CDH10: variants seen among roughly 807,000 people sequenced by gnomAD.
CDH10 encodes cadherin 10, also known as cadherin-10.
A neutral mutation model predicts 73.1 loss-of-function variants in CDH10; 30 were observed. That is an observed-to-expected ratio of 0.41 (90% CI 0.31 to 0.56). The LOEUF is 0.56. CDH10 is among the 20% of genes least tolerant of loss of function. The pLI is 0.27. For synonymous variants in CDH10, 345 were observed against 348.2 expected (o/e 0.99, Z 0.10); for missense variants, 815 against 973.7 (o/e 0.84, Z 2.17).
intron 2 of CDH10, among the ~76,000 whole-genome samples, chr5:24,578,074 A>T (rs377308312): frequency 6.6e-6 from 1 of 152,162 alleles, no homozygotes; most frequent in African/African-American, 2.4e-5. Context: ...TGAGGAGAGG[A>T]CACTTTCCAT....
At chr5:24,559,880 T>G (rs1744894671) in intron 2 of CDH10, among the ~76,000 whole-genome samples, 1 of 152,240 alleles carries the variant, frequency 6.6e-6, no homozygotes, top group Non-Finnish European at 1.5e-5. Context: ...ATGAGCCAGA[T>G]TTGGGTTGCT....
intron 2 of CDH10, among the ~76,000 whole-genome samples, chr5:24,544,568 T>C (rs1334268035): frequency 1.3e-5 from 2 of 152,180 alleles, no homozygotes; most frequent in Non-Finnish European, 2.9e-5. Flanking sequence ...AGGGAAAACG[T>C]CAATAGGATC....
intron 5 of CDH10, among the ~76,000 whole-genome samples, chr5:24,530,861 CA>C (rs1171223837): frequency 6.6e-6 from 1 of 152,170 alleles, no homozygotes; most frequent in African/African-American, 2.4e-5. Flanking sequence ...TTAATGTTCA[CA>C]TATTTATATA....
chr5:24,542,627 T>C (rs1251516633), intron 2 of CDH10, among the ~76,000 whole-genome samples: 4 of 152,172 alleles, frequency 2.6e-5, no homozygotes, highest in Non-Finnish European at 5.9e-5. Flanking sequence ...TTCTCAGAAG[T>C]TGAAGCTATG....
chr5:24,496,254 T>C (rs1661740477), intron 9 of CDH10, among the ~76,000 whole-genome samples: 1 of 152,164 alleles, frequency 6.6e-6, no homozygotes, highest in African/African-American at 2.4e-5. Flanking sequence ...TGGTATTAAA[T>C]TCTTTCCATG....
At chr5:24,628,478 C>T (rs1747584158) in intron 1 of CDH10, among the ~76,000 whole-genome samples, 1 of 152,016 alleles carries the variant, frequency 6.6e-6, no homozygotes, top group Non-Finnish European at 1.5e-5. Flanking sequence ...AATTCCATTG[C>T]CACCCCTCAG....
At chr5:24,542,633 C>T (rs368304088) in intron 2 of CDH10, among the ~76,000 whole-genome samples, 2 of 152,104 alleles carry the variant, frequency 1.3e-5, no homozygotes, top group African/African-American at 4.8e-5. Flanking sequence ...GAAGTTGAAG[C>T]TATGCATGAT....
In CDH10 at chr5:24,565,550, T is replaced by A. The variant is rs1327738742; in HGVS notation, c.231+27710A>T. 2.6e-5 allele frequency among the ~76,000 whole-genome samples: 4 copies of A among 152,138 alleles called. No homozygotes were observed. The East Asian group carries it at 7.7e-4, about 29-fold the overall frequency. ...TCTTCATAGATAAGAAGACTCAATG[T>A]TAAAATTTATTATGGACTAGATGTT... On this transcript the variant is annotated intron_variant, in intron 2 of 11. Coordinates refer to ENST00000264463, the MANE Select transcript of CDH10 (RefSeq NM_006727.5).
intron 2 of CDH10, among the ~76,000 whole-genome samples, chr5:24,561,646 A>C (rs1464591320): frequency 1.3e-5 from 2 of 152,154 alleles, no homozygotes; most frequent in Non-Finnish European, 2.9e-5. Flanking sequence ...AAAGCTATAA[A>C]GTGTCTCAAA....
In CDH10 at chr5:24,487,770, C is replaced by T. The variant is rs2111600924; in HGVS notation, c.2260G>A (p.Gly754Ser). 1 of 1,613,888 alleles carries T rather than the reference C, an allele frequency of 6.2e-7. No individual in the cohort carries two copies. The highest frequency in any genetic ancestry group is 8.5e-7 in the Non-Finnish European group (1 of 1,179,932). ...TAGTTTTGGTCTCCTTCAGTAGTAC[C>T]TGATTCTAATGAACTCAGAGATTCA... ...IAESLSSLES[G>S]TTEGDQNYDY... Residue 754 changes from glycine (G) to serine (S), a missense_variant, in exon 12 of 12, where the codon GGT becomes AGT. Transcript: ENST00000264463.
intron 1 of CDH10, among the ~76,000 whole-genome samples, chr5:24,616,149 G>A (rs1277445170): frequency 1.3e-5 from 2 of 151,818 alleles, no homozygotes; most frequent in Non-Finnish European, 2.9e-5. Flanking sequence ...AGAGGAAGGT[G>A]TATGCAAAAT....
intron 2 of CDH10, among the ~76,000 whole-genome samples, chr5:24,581,056 T>G (rs1745779798): frequency 6.6e-6 from 1 of 152,156 alleles, no homozygotes; most frequent in Non-Finnish European, 1.5e-5. Flanking sequence ...CTTCAGACAT[T>G]TGAAGTGACA....
intron 1 of CDH10, among the ~76,000 whole-genome samples, chr5:24,608,836 C>T (rs959643839): frequency 3.9e-5 from 6 of 152,140 alleles, no homozygotes; most frequent in African/African-American, 1.2e-4. Context: ...AAATAGATAT[C>T]TTAGCAATAT....
rs534151276 is a variant in CDH10 at position 24,616,198 on chromosome 5, T to A, written c.-123-22585A>T. Among the ~76,000 whole-genome samples the A allele has an allele frequency of 1.3e-4, 20 of 152,166 alleles. 1 individual carries two copies. The South Asian group carries it at 3.7e-3, about 28-fold the overall frequency. On this transcript the variant is annotated intron_variant, in intron 1 of 11. Transcript: ENST00000264463. ...AGGTATCTAGCCTTGGCAAACAAAG[T>A]AAACTTCCATTTTCTCATTTTTCTG...
chr5:24,490,037 T>G (rs574968914), intron 11 of CDH10, among the ~76,000 whole-genome samples: 2 of 152,214 alleles, frequency 1.3e-5, no homozygotes, highest in East Asian at 3.9e-4. Flanking sequence ...ATGCCAGACA[T>G]TTTTTTGTCA....
intron 2 of CDH10, among the ~76,000 whole-genome samples, chr5:24,584,259 C>T (rs1745904411): frequency 6.6e-6 from 1 of 151,956 alleles, no homozygotes. Flanking sequence ...CCAATATTTT[C>T]TTCCAGAAGA....
At chr5:24,589,934 A>T (rs1746143695) in intron 2 of CDH10, among the ~76,000 whole-genome samples, 1 of 152,128 alleles carries the variant, frequency 6.6e-6, no homozygotes, top group Non-Finnish European at 1.5e-5. Flanking sequence ...TTGAAGTTCA[A>T]CATGTGAAGC....
intron 5 of CDH10, among the ~76,000 whole-genome samples, chr5:24,533,033 G>T (rs79844861): frequency 0.023 from 3,510 of 152,064 alleles, 84 homozygotes; most frequent in East Asian, 0.087. Flanking sequence ...GTCAGATAAG[G>T]TTGTAAATAT....
At chr5:24,495,930 T>C (rs1360557704) in intron 9 of CDH10, among the ~76,000 whole-genome samples, 1 of 151,148 alleles carries the variant, frequency 6.6e-6, no homozygotes, top group Non-Finnish European at 1.5e-5. Flanking sequence ...AGGGAAGTAA[T>C]AAGCATAGAA....
Sources: allele counts gnomAD v4.1 joint callset (sites outside exome capture counted in the v4.1 genomes callset), GRCh38; gene constraint gnomAD v4.1.1; transcripts MANE v1.5; gene names NCBI Gene and HGNC (gene_info 2026-07-23, HGNC 2026-07-21).